RHOBTB1: variants seen among roughly 807,000 people sequenced by gnomAD.
The protein encoded by RHOBTB1 is rho-related BTB domain-containing protein 1.
A neutral mutation model predicts 71.6 loss-of-function variants in RHOBTB1; 40 were observed. The observed-to-expected ratio is 0.56, with a 90% CI of 0.43 to 0.73. The LOEUF is 0.73. Among genes scored for constraint, RHOBTB1 ranks in the 30% least tolerant of loss-of-function variants. The pLI is 0.00. For missense variants in RHOBTB1, 797 were observed against 894.0 expected (o/e 0.89, Z 1.38); for synonymous variants, 319 against 334.9 (o/e 0.95, Z 0.52).
At position 60,892,829 on chromosome 10, in the gene RHOBTB1, C is replaced by T. The variant is rs1482269586; in HGVS notation, c.463G>A (p.Ala155Thr). ...RYADLEAVNRARRPLARPIKR... is the reference protein window; with the variant it reads ...RYADLEAVNRTRRPLARPIKR... ...GCTTACCTTGCTAACGGGCGCCTGG[C>T]TCGATTAACAGCTTCCAGGTCGGCA... The change falls in exon 5 of 11, where the codon GCC becomes ACC. Residue 155 changes from alanine to threonine, a missense_variant. Around this residue, in one of 2 missense-constraint regions of RHOBTB1, gnomAD observed 139 missense variants for 212.5 expected, o/e 0.65. Coordinates refer to ENST00000337910, the MANE Select transcript of RHOBTB1 (RefSeq NM_014836.5). 6.2e-7 allele frequency: 1 copy of T among 1,612,690 alleles called. No homozygotes were observed. Among genetic ancestry groups the T allele is most frequent in the Non-Finnish European group, 8.5e-7 (1 of 1,179,576 alleles).
At chr10:60,940,734 C>T (rs984211734) in intron 2 of RHOBTB1, among the ~76,000 whole-genome samples, 6 of 152,064 alleles carry the variant, frequency 3.9e-5, no homozygotes, top group Admixed American at 2.0e-4. Context: ...AAACTCTCAC[C>T]GATTAATCAT....
At chr10:60,989,547 GC>G (rs1201136512) in intron 1 of RHOBTB1, among the ~76,000 whole-genome samples, 1 of 152,130 alleles carries the variant, frequency 6.6e-6, no homozygotes, top group Non-Finnish European at 1.5e-5. Context: ...GCAAACTACT[GC>G]AAATAATCAT....
upstream of RHOBTB1, chr10:60,944,387 G>A (rs2085121087): frequency 6.6e-6 from 1 of 152,342 alleles, no homozygotes; most frequent in Admixed American, 6.5e-5. Context: ...CATGAAACCG[G>A]GGCCTGGTGT....
chr10:60,909,549 C>T (rs971433308), intron 4 of RHOBTB1, among the ~76,000 whole-genome samples: 3 of 152,138 alleles, frequency 2.0e-5, no homozygotes, highest in Admixed American at 6.5e-5. Context: ...AATCAAGCTT[C>T]CTCAAAACCA....
intron 5 of RHOBTB1, among the ~76,000 whole-genome samples, chr10:60,890,854 G>A (rs1186139942): frequency 6.6e-6 from 1 of 152,168 alleles, no homozygotes; most frequent in Non-Finnish European, 1.5e-5. Flanking sequence ...TTGTTCTTAA[G>A]ACTGACTTGA....
intron 2 of RHOBTB1, among the ~76,000 whole-genome samples, chr10:60,972,004 A>G (rs942114289): frequency 2.0e-5 from 3 of 152,200 alleles, no homozygotes; most frequent in Admixed American, 2.0e-4. Context: ...ATCTCACACG[A>G]GTTAGAATGG....
At chr10:60,916,286 A>G (rs1005937033) in intron 2 of RHOBTB1, among the ~76,000 whole-genome samples, 8 of 152,176 alleles carry the variant, frequency 5.3e-5, no homozygotes, top group African/African-American at 1.7e-4. Context: ...GAGAATTCAC[A>G]TTGAAAACCG....
intron 10 of RHOBTB1, chr10:60,871,920 G>C: frequency 1.7e-6 from 1 of 603,986 alleles, no homozygotes. Context: ...CCTAAACAAG[G>C]GGAAGGCCAC....
intron 7 of RHOBTB1, among the ~76,000 whole-genome samples, 173 bp downstream of exon 7, chr10:60,885,939 C>G (rs1458989560): frequency 1.3e-5 from 2 of 152,128 alleles, no homozygotes; most frequent in Non-Finnish European, 2.9e-5. Flanking sequence ...TGACCAAACC[C>G]TCAAGCACTA....
chr10:60,909,608 T>C (rs191853417), intron 4 of RHOBTB1, among the ~76,000 whole-genome samples: 11 of 152,286 alleles, frequency 7.2e-5, no homozygotes, highest in African/African-American at 2.6e-4. Flanking sequence ...GGTTCATTTA[T>C]AATTGTTATT....
upstream of RHOBTB1, among the ~76,000 whole-genome samples, chr10:60,947,721 T>C (rs73266054): frequency 5.3e-3 from 807 of 152,334 alleles, 12 homozygotes; most frequent in African/African-American, 0.018. Context: ...TGTTTATCCA[T>C]TCACCCACTG....
chr10:60,987,353 C>T (rs1332381887), intron 1 of RHOBTB1, among the ~76,000 whole-genome samples: 1 of 152,078 alleles, frequency 6.6e-6, no homozygotes, highest in East Asian at 1.9e-4. Flanking sequence ...GATGCTTCAT[C>T]CCCATCCTCT....
chr10:60,862,382 G>C, the RHOBTB1 span, among the ~76,000 whole-genome samples: 1 of 151,942 alleles, frequency 6.6e-6, no homozygotes, highest in African/African-American at 2.4e-5. Context: ...ATTTTTAGTA[G>C]AGATAGCGTT....
At chr10:60,923,288 A>AACTTCAAAC (rs2083673242) in intron 2 of RHOBTB1, among the ~76,000 whole-genome samples, 1 of 152,228 alleles carries the variant, frequency 6.6e-6, no homozygotes, top group Non-Finnish European at 1.5e-5. Context: ...AGCAGAAAAA[A>AACTTCAAAC]ACTTCAAACA....
Position 60,912,955 on chromosome 10 carries a change from T to G in RHOBTB1, c.-10-1403A>C, listed in dbSNP as rs934231552. 9 of 152,198 alleles carry G rather than the reference T, an allele frequency of 5.9e-5. No individual in the cohort carries two copies. In the South Asian group the frequency reaches 1.9e-3, roughly 32 times the overall value. The allele number at this position is 152,198 out of a possible 1,614,324, so 9.4% of individuals were successfully genotyped here. ...AAGTCCATTGTTAAACTGAGAAAAG[T>G]GGGTGGGCGGTCATTTTTAAGGAGT... is the stretch of plus-strand genomic sequence containing the variant. On this transcript the variant is annotated intron_variant, in intron 2 of 10. Coordinates refer to ENST00000337910, the MANE Select transcript of RHOBTB1 (RefSeq NM_014836.5).
intron 2 of RHOBTB1, among the ~76,000 whole-genome samples, chr10:60,956,991 G>A (rs1312911530): frequency 1.3e-5 from 2 of 152,124 alleles, no homozygotes; most frequent in Non-Finnish European, 2.9e-5. Flanking sequence ...CACTAAGAAT[G>A]TGCTATCATG....
At chr10:60,900,093 C>T (rs780322422) in intron 4 of RHOBTB1, among the ~76,000 whole-genome samples, 5 of 152,054 alleles carry the variant, frequency 3.3e-5, no homozygotes, top group Non-Finnish European at 4.4e-5. Flanking sequence ...GGAGCACAGT[C>T]GTGAGGGGAA....
chr10:60,889,063 T>A lies in RHOBTB1; in HGVS notation c.605A>T (p.Asn202Ile). The A allele has an allele frequency of 6.2e-7, 1 of 1,614,166 alleles. No homozygotes were observed. Residue 202 changes from asparagine (N) to isoleucine (I), a missense_variant, in exon 6 of 11, where the codon AAT becomes ATT. By Grantham distance (149) the Asn-to-Ile change is moderately radical. Around this residue, in one of 2 missense-constraint regions of RHOBTB1, gnomAD observed 658 missense variants for 681.5 expected, o/e 0.97. Transcript: ENST00000337910. ...GGAAATCAGCGCTGCTCGGATTGCA[T>A]TGTCAAACACATCCTTGATACCAAA... ...DQFGIKDVFD[N>I]AIRAALISRR...
intron 7 of RHOBTB1, among the ~76,000 whole-genome samples, chr10:60,883,587 C>A (rs2081427983): frequency 6.6e-6 from 1 of 152,188 alleles, no homozygotes; most frequent in Non-Finnish European, 1.5e-5. Context: ...GCAATCCTCC[C>A]AGCTCTTTAT....
Sources: allele counts gnomAD v4.1 joint callset (sites outside exome capture counted in the v4.1 genomes callset), GRCh38; gene constraint gnomAD v4.1.1; regional missense constraint gnomAD v4.1.1; transcripts MANE v1.5; gene names NCBI Gene and HGNC (gene_info 2026-07-23, HGNC 2026-07-21).